The following ZC2HC1B variants were observed in gnomAD, a reference collection of about 807,000 sequenced individuals.
ZC2HC1B encodes zinc finger C2HC-type containing 1B.
A neutral mutation model predicts 31.0 loss-of-function variants in ZC2HC1B; 36 were observed. That is an observed-to-expected ratio of 1.16 (90% confidence interval 0.89 to 1.54). The LOEUF (loss-of-function observed/expected upper bound fraction) is 1.54, where lower values mean the gene tolerates loss of function less well. ZC2HC1B is among the 40% of genes most tolerant of loss of function. ZC2HC1B has a pLI of 0.00. For synonymous variants in ZC2HC1B, 73 were observed against 88.0 expected, an observed-to-expected ratio of 0.83 and a Z score of 0.95; for missense variants, 260 against 268.6, an observed-to-expected ratio of 0.97 and a Z score of 0.22.
At chr6:143,874,858 G>A (rs920923555) in intron 1 of ZC2HC1B, among the ~76,000 whole-genome samples, 1 of 151,938 alleles carries the variant, frequency 6.6e-6, no homozygotes, top group Non-Finnish European at 1.5e-5. Context: ...TTTGAGATGA[G>A]GTCTCTTTCT....
At position 143,918,388 on chromosome 6, in the gene ZC2HC1B, C is replaced by T. The variant is rs553282427; in HGVS notation, c.598+15236C>T. On this transcript the variant is annotated intron_variant, in intron 6 of 7. Transcript: ENST00000237275. This position sits in a 1 kb window ranked among gnomAD's most constrained non-coding sequence, Gnocchi z 4.1. ...TTTTACCACTTTGAATATGTTGGCC[C>T]ACTGTGTTTCATCCTCCATGGTTTC... Among the ~76,000 whole-genome samples the T allele has an allele frequency of 9.9e-5, 15 of 152,228 alleles. No homozygotes were observed. The highest frequency in any genetic ancestry group is 3.6e-4 in the African/African-American group (15 of 41,530).
chr6:143,873,938 A>C (rs910593745), intron 1 of ZC2HC1B, among the ~76,000 whole-genome samples: 1 of 152,246 alleles, frequency 6.6e-6, no homozygotes, highest in African/African-American at 2.4e-5. Context: ...AAATTTCTGC[A>C]GCTGGCTTTA....
In ZC2HC1B at chr6:143,919,200, G is replaced by T. The variant is rs1015457101; in HGVS notation, c.598+16048G>T. Among the ~76,000 whole-genome samples the T allele has an allele frequency of 8.8e-5, 13 of 147,878 alleles. 1 individual carries two copies. The South Asian group carries it at 1.7e-3, about 20-fold the overall frequency. ...GTGGAAATTAGATATTCTCCCTTCT[G>T]CAGGGTTTGCTATTCTCTGTGTGTG... On this transcript the variant is annotated intron_variant, in intron 6 of 7. Transcript: ENST00000237275.
Position 143,915,989 on chromosome 6 carries a change from G to C in ZC2HC1B, c.598+12837G>C, listed in dbSNP as rs934894007. Among the ~76,000 whole-genome samples, 1 of 152,312 alleles carries C rather than the reference G, an allele frequency of 6.6e-6. No individual in the cohort carries two copies. The highest frequency in any genetic ancestry group is 3.4e-3 in the Middle Eastern group (1 of 294). On this transcript the variant is annotated intron_variant, in intron 6 of 7. Coordinates refer to ENST00000237275, the MANE Select transcript of ZC2HC1B (RefSeq NM_001013623.3). This position sits in a 1 kb window ranked among gnomAD's most constrained non-coding sequence, Gnocchi z 5.2. ...ATAGGTAATGAGGAGCTGAATGTTA[G>C]TCCCCAAGACAATGAGGAAAATGTC... is the stretch of plus-strand genomic sequence containing the variant.
Position 143,905,971 on chromosome 6 carries a change from A to T in ZC2HC1B, c.598+2819A>T, listed in dbSNP as rs556326681. ...TTGATTTGTTAGTATTTTATTGAGG[A>T]TTTTTGCATTAATGTTCATAAGAGA... On this transcript the variant is annotated intron_variant, in intron 6 of 7. Coordinates refer to ENST00000237275, the MANE Select transcript of ZC2HC1B (RefSeq NM_001013623.3). The surrounding 1 kb of genome is among the most constrained non-coding windows in gnomAD (Gnocchi z 4.2). Among the ~76,000 whole-genome samples, 109 of 152,216 alleles carry T rather than the reference A, an allele frequency of 7.2e-4. No homozygotes were observed. The highest frequency in any genetic ancestry group is 2.5e-3 in the African/African-American group (103 of 41,542).
intron 6 of ZC2HC1B, 25 bp from the exon 7 acceptor site, chr6:143,937,624 A>G: frequency 6.5e-7 from 1 of 1,536,498 alleles, no homozygotes; most frequent in African/African-American, 1.4e-5. Flanking sequence ...TTGACATAAT[A>G]ACAAATCTGT....
Position 143,885,457 on chromosome 6 carries a change from G to A in ZC2HC1B, c.91-575G>A, listed in dbSNP as rs531419223. On this transcript the variant is annotated intron_variant, in intron 2 of 7. Coordinates refer to ENST00000237275, the MANE Select transcript of ZC2HC1B (RefSeq NM_001013623.3). The surrounding 1 kb of genome is among the most constrained non-coding windows in gnomAD (Gnocchi z 4.2). ...CCTAAGCCTATTTCTAGGCTATGGA[G>A]GGCATTGATCAAATGATTTGATCTT... Among the ~76,000 whole-genome samples, 30 of 152,290 alleles carry A rather than the reference G, an allele frequency of 2.0e-4. No individual in the cohort carries two copies. The highest frequency in any genetic ancestry group is 4.1e-4 in the Non-Finnish European group (28 of 68,020).
chr6:143,931,950 C>T (rs1778126465), intron 6 of ZC2HC1B, among the ~76,000 whole-genome samples: 1 of 151,436 alleles, frequency 6.6e-6, no homozygotes. Context: ...CTGCAACCTC[C>T]ACCTCCCAGG....
intron 6 of ZC2HC1B, among the ~76,000 whole-genome samples, chr6:143,932,540 G>A (rs181272808): frequency 1.8e-4 from 28 of 152,208 alleles, no homozygotes; most frequent in African/African-American, 6.3e-4. Flanking sequence ...CTGTTTCTCT[G>A]AAGCATTTTT....
intron 6 of ZC2HC1B, among the ~76,000 whole-genome samples, chr6:143,930,987 A>G (rs1404673744): frequency 6.6e-6 from 1 of 152,078 alleles, no homozygotes; most frequent in Admixed American, 6.5e-5. Context: ...CCCCACTATT[A>G]GTGTAATGCA....
rs928943912 is a variant in ZC2HC1B, at chr6:143,921,280, C to T, written c.599-16369C>T. Among the ~76,000 whole-genome samples the T allele has an allele frequency of 1.3e-5, 2 of 152,298 alleles. No individual in the cohort carries two copies. Among genetic ancestry groups the T allele is most frequent in the Admixed American group, 6.5e-5 (1 of 15,298 alleles). On this transcript the variant is annotated intron_variant, in intron 6 of 7. Transcript: ENST00000237275. The surrounding 1 kb of genome is among the most constrained non-coding windows in gnomAD (Gnocchi z 6.1). ...TTCCTTTGTAATTATTTCCACATAGCATTTATCACCATCTAATATTCAATA... is the reference window on the plus strand; with the variant it reads ...TTCCTTTGTAATTATTTCCACATAGTATTTATCACCATCTAATATTCAATA...
chr6:143,890,781 A>G (rs568644811), intron 4 of ZC2HC1B, among the ~76,000 whole-genome samples: 1 of 152,338 alleles, frequency 6.6e-6, no homozygotes, highest in African/African-American at 2.4e-5. Flanking sequence ...ATTTCAGGAT[A>G]TAAGGTATAA....
chr6:143,886,259 G>A lies in ZC2HC1B; in HGVS notation c.210+108G>A, dbSNP rs1001388862. The A allele has an allele frequency of 1.0e-4, 121 of 1,179,934 alleles. No individual in the cohort carries two copies. The African/African-American group carries it at 1.8e-3, about 18-fold the overall frequency. The allele number at this position is 1,179,934 out of a possible 1,614,324, so 73.1% of individuals were successfully genotyped here. On this transcript the variant is annotated intron_variant, in intron 3 of 7. Coordinates refer to ENST00000237275, the MANE Select transcript of ZC2HC1B (RefSeq NM_001013623.3). The surrounding 1 kb of genome is among the most constrained non-coding windows in gnomAD (Gnocchi z 4.2). ...TTGCTTGATAATACAGTAATGTAATGTAACTGTAATCCACCTTTACTTTTT... is the reference window on the plus strand; with the variant it reads ...TTGCTTGATAATACAGTAATGTAATATAACTGTAATCCACCTTTACTTTTT...
chr6:143,891,618 G>A (rs1216228002), intron 4 of ZC2HC1B, among the ~76,000 whole-genome samples: 3 of 150,918 alleles, frequency 2.0e-5, no homozygotes, highest in East Asian at 2.0e-4. Context: ...AGGAGAATCC[G>A]GGAGGCAGAG....
At position 143,887,436 on chromosome 6, in the gene ZC2HC1B, TTAAGTA is replaced by T. The variant is rs1357729654; in HGVS notation, c.349+617_349+622del. On this transcript the variant is annotated intron_variant, in intron 4 of 7. Transcript: ENST00000237275. The surrounding 1 kb of genome is among the most constrained non-coding windows in gnomAD (Gnocchi z 5.1). The stretch of plus-strand genomic sequence containing the variant: ...CTTTAGCTATTTTAGTATGCGTCTC[TTAAGTA>T]TGAGTTCCTTTTCCTGCATAATCAC... Among the ~76,000 whole-genome samples, 2 of 152,310 alleles carry T rather than the reference TTAAGTA, an allele frequency of 1.3e-5. No individual in the cohort carries two copies. Among genetic ancestry groups the T allele is most frequent in the East Asian group, 1.9e-4 (1 of 5,196 alleles).
chr6:143,931,500 CA>C (rs1177818008), intron 6 of ZC2HC1B, among the ~76,000 whole-genome samples: 3 of 152,126 alleles, frequency 2.0e-5, no homozygotes, highest in African/African-American at 7.2e-5. Context: ...CTCCTTTTAG[CA>C]GTTCTTGTAG....
chr6:143,880,050 C>G (rs1224026043), intron 1 of ZC2HC1B, among the ~76,000 whole-genome samples: 1 of 151,928 alleles, frequency 6.6e-6, no homozygotes, highest in Non-Finnish European at 1.5e-5. Flanking sequence ...TGGTATTGAA[C>G]TCCTGGGCTC....
chr6:143,903,546 C>T lies in ZC2HC1B; in HGVS notation c.598+394C>T, dbSNP rs1777760102. 6.6e-6 allele frequency among the ~76,000 whole-genome samples: 1 copy of T among 152,118 alleles called. No homozygotes were observed. The highest frequency in any genetic ancestry group is 1.5e-5 in the Non-Finnish European group (1 of 68,026). On this transcript the variant is annotated intron_variant, in intron 6 of 7. Transcript: ENST00000237275. This position sits in a 1 kb window ranked among gnomAD's most constrained non-coding sequence, Gnocchi z 4.3. ...TGATGGGGCTATGTCCTGATAAGCC[C>T]ATTGTAAATAGAAATATTATAAGTC...
chr6:143,901,715 T>G (rs1442335827), intron 5 of ZC2HC1B, among the ~76,000 whole-genome samples: 1 of 152,174 alleles, frequency 6.6e-6, no homozygotes, highest in African/African-American at 2.4e-5. Flanking sequence ...TTCAGTGTCT[T>G]GCACACAGGG....
Sources: gnomAD v4.1 joint callset for allele counts (sites outside exome capture counted in the v4.1 genomes callset) on GRCh38, gnomAD v4.1.1 for gene constraint, Gnocchi (gnomAD v3.1) non-coding constraint, MANE v1.5 for transcripts, NCBI Gene and HGNC (gene_info 2026-07-23, HGNC 2026-07-21) for gene names.